Variants in FOXP1 observed in about 807,000 individuals in gnomAD.
FOXP1 encodes the protein forkhead box P1.
Under a neutral mutation model 98.2 loss-of-function variants are expected in FOXP1, and 15 were observed. The ratio of observed to expected loss-of-function variants is 0.15; its 90% confidence interval spans 0.10 to 0.24. FOXP1 has a LOEUF of 0.24. FOXP1 is among the 10% of genes least tolerant of loss of function. The probability of loss-of-function intolerance (pLI) is 1.00; values close to 1 mark genes in which losing one functional copy is unlikely to be tolerated. For synonymous variants in FOXP1, 371 were observed against 314.5 expected, an observed-to-expected ratio of 1.18 and a Z score of -1.90; for missense variants, 633 against 848.5, an observed-to-expected ratio of 0.75 and a Z score of 3.15.
intron 2 of FOXP1, among the ~76,000 whole-genome samples, chr3:71,547,175 C>CA (rs2045429058): frequency 6.6e-6 from 1 of 152,118 alleles, no homozygotes; most frequent in African/African-American, 2.4e-5. Flanking sequence ...GTTTCTGAAA[C>CA]AGTTGGGATT....
At chr3:71,181,868 T>TA (rs1036606119) in intron 6 of FOXP1, among the ~76,000 whole-genome samples, 9 of 151,336 alleles carry the variant, frequency 5.9e-5, no homozygotes, top group Admixed American at 4.6e-4. Context: ...CTATCTCTAC[T>TA]AAAAAAATAC....
chr3:71,392,102 G>A (rs1367666637), intron 3 of FOXP1, among the ~76,000 whole-genome samples: 2 of 152,108 alleles, frequency 1.3e-5, no homozygotes, highest in African/African-American at 4.8e-5. Context: ...ATTATCGTTG[G>A]GTTATGATAT....
At chr3:71,579,632 CTTT>C (rs35646548) in intron 2 of FOXP1, among the ~76,000 whole-genome samples, 6 of 122,990 alleles carry the variant, frequency 4.9e-5, no homozygotes, top group Non-Finnish European at 6.6e-5. Context: ...TTTCTTTTTT[CTTT>C]TTTTTTTTTT....
At chr3:71,191,052 C>G (rs955813344) in intron 6 of FOXP1, among the ~76,000 whole-genome samples, 1 of 152,174 alleles carries the variant, frequency 6.6e-6, no homozygotes, top group Non-Finnish European at 1.5e-5. Flanking sequence ...ACCTTGTAAC[C>G]CTTTTTATCA....
intron 3 of FOXP1, among the ~76,000 whole-genome samples, chr3:71,423,743 G>A (rs187109111): frequency 1.4e-4 from 21 of 152,264 alleles, no homozygotes; most frequent in African/African-American, 4.8e-4. Context: ...CCACCTCACT[G>A]AGCCCTTCAG....
At position 70,959,743 on chromosome 3, in the gene FOXP1, C is replaced by G. The variant is rs187226429; in HGVS notation, c.1890-352G>C. On this transcript the variant is annotated intron_variant, in intron 20 of 20. Coordinates refer to ENST00000649528, the MANE Select transcript of FOXP1 (RefSeq NM_001349338.3). The stretch of plus-strand genomic sequence containing the variant: ...TCTGGACTGGTGTGGGCCTCTCCTC[C>G]CTGGTGGCATTTCTCATACTTTAAC... Among the ~76,000 whole-genome samples the G allele has an allele frequency of 3.9e-5, 6 of 152,232 alleles. No homozygotes were observed. In the East Asian group the frequency reaches 1.2e-3, roughly 29 times the overall value.
intron 6 of FOXP1, among the ~76,000 whole-genome samples, chr3:71,157,409 T>G (rs533233697): frequency 6.6e-6 from 1 of 152,348 alleles, no homozygotes; most frequent in East Asian, 1.9e-4. Flanking sequence ...TGAAAAAGTT[T>G]ACTCCTGAAA....
At chr3:71,476,639 C>T (rs1013364515) in intron 3 of FOXP1, among the ~76,000 whole-genome samples, 3 of 151,622 alleles carry the variant, frequency 2.0e-5, no homozygotes, top group African/African-American at 4.8e-5. Context: ...TACAGGCACC[C>T]GCCATCATGC....
intron 7 of FOXP1, among the ~76,000 whole-genome samples, chr3:71,082,916 A>G (rs943800213): frequency 6.6e-6 from 1 of 152,212 alleles, no homozygotes; most frequent in Non-Finnish European, 1.5e-5. Flanking sequence ...CTTTAAGATA[A>G]GGAGCAAAAT....
At chr3:71,466,936 T>C (rs867809247) in intron 3 of FOXP1, among the ~76,000 whole-genome samples, 4 of 152,192 alleles carry the variant, frequency 2.6e-5, no homozygotes, top group Non-Finnish European at 5.9e-5. Flanking sequence ...TACAATTTAA[T>C]GAACACTTAG....
At chr3:71,211,366 C>T (rs1405940557) in intron 5 of FOXP1, among the ~76,000 whole-genome samples, 4 of 151,940 alleles carry the variant, frequency 2.6e-5, no homozygotes, top group African/African-American at 4.8e-5. Context: ...CCACCAAAAC[C>T]GGCTAATTTT....
At chr3:71,118,037 G>A (rs2058502053) in intron 6 of FOXP1, among the ~76,000 whole-genome samples, 1 of 152,154 alleles carries the variant, frequency 6.6e-6, no homozygotes, top group Non-Finnish European at 1.5e-5. Context: ...TCTCTTCTGT[G>A]GATTGACTAG....
At chr3:71,246,521 T>C (rs1037779280) in intron 5 of FOXP1, among the ~76,000 whole-genome samples, 2 of 152,164 alleles carry the variant, frequency 1.3e-5, no homozygotes, top group Non-Finnish European at 2.9e-5. Flanking sequence ...TTGGTTCTTA[T>C]CAGATCCATA....
intron 5 of FOXP1, among the ~76,000 whole-genome samples, chr3:71,226,948 A>G (rs1444228149): frequency 6.6e-6 from 1 of 152,050 alleles, no homozygotes; most frequent in African/African-American, 2.4e-5. Flanking sequence ...GTCCCCTCTG[A>G]TGACAGGGCA....
intron 7 of FOXP1, among the ~76,000 whole-genome samples, chr3:71,081,224 T>C (rs2054378079): frequency 6.6e-6 from 1 of 152,194 alleles, no homozygotes; most frequent in African/African-American, 2.4e-5. Context: ...TAACACTCCA[T>C]AATTCAAAAC....
chr3:71,198,199 T>C lies in FOXP1; in HGVS notation c.180+3A>G. On this transcript the variant is annotated splice_donor_region_variant and intron_variant, in intron 6 of 20. Coordinates refer to ENST00000649528, the MANE Select transcript of FOXP1 (RefSeq NM_001349338.3). ...CACCTCCCAAGACTCCAAAGCCCAG[T>C]ACCTGTTGCTGCTGCTGCTGGGCGT... is the stretch of plus-strand genomic sequence containing the variant. The C allele has an allele frequency of 6.2e-7, 1 of 1,614,088 alleles. No homozygotes were observed. Among genetic ancestry groups the C allele is most frequent in the Non-Finnish European group, 8.5e-7 (1 of 1,180,016 alleles).
At chr3:71,088,689 G>A (rs927118778) in intron 7 of FOXP1, among the ~76,000 whole-genome samples, 2 of 152,140 alleles carry the variant, frequency 1.3e-5, no homozygotes, top group Admixed American at 6.5e-5. Flanking sequence ...CACCAGAGAT[G>A]CAGTTAGATA....
intron 5 of FOXP1, among the ~76,000 whole-genome samples, chr3:71,274,700 G>A (rs1576705984): frequency 6.6e-6 from 1 of 152,190 alleles, no homozygotes; most frequent in Non-Finnish European, 1.5e-5. Context: ...CAAGCCATAC[G>A]GAATCGAAAG....
chr3:71,363,614 T>C (rs2078722441), intron 3 of FOXP1, among the ~76,000 whole-genome samples: 1 of 152,220 alleles, frequency 6.6e-6, no homozygotes, highest in Non-Finnish European at 1.5e-5. Flanking sequence ...GGAGACAGGT[T>C]CTCAGATTAT....
Sources: gnomAD v4.1 joint callset for allele counts (sites outside exome capture counted in the v4.1 genomes callset) on GRCh38, gnomAD v4.1.1 for gene constraint, MANE v1.5 for transcripts, NCBI Gene and HGNC (gene_info 2026-07-23, HGNC 2026-07-21) for gene names.